Variants in SLC44A5 observed in about 807,000 individuals in gnomAD.
SLC44A5 encodes the protein solute carrier family 44 member 5, also known as choline transporter-like protein 5.
In SLC44A5, 57 loss-of-function variants were observed where a neutral mutation model predicts 101.8. That is an observed-to-expected ratio of 0.56 (90% confidence interval 0.45 to 0.70). The LOEUF (loss-of-function observed/expected upper bound fraction) is 0.70. Ranked by LOEUF, SLC44A5 falls within the 30% of genes least tolerant of loss-of-function variation. SLC44A5 has a pLI of 0.00. For synonymous variants in SLC44A5, 281 were observed against 290.9 expected (o/e 0.97, Z 0.35); for missense variants, 737 against 853.1 (o/e 0.86, Z 1.70).
chr1:75,717,668 T>TA, the SLC44A5 span, among the ~76,000 whole-genome samples: 2 of 152,238 alleles, frequency 1.3e-5, no homozygotes, highest in Admixed American at 6.5e-5. Flanking sequence ...GGGTGAAACT[T>TA]AGAGAAAAAT....
At chr1:75,560,936 C>T (rs1386302384) in intron 1 of SLC44A5, among the ~76,000 whole-genome samples, 1 of 151,958 alleles carries the variant, frequency 6.6e-6, no homozygotes, top group Non-Finnish European at 1.5e-5. Context: ...AATTATGTAC[C>T]TCATCCTATT....
chr1:75,564,603 T>TTTTATTTATTTA (rs10526449), intron 1 of SLC44A5, among the ~76,000 whole-genome samples: 27,447 of 137,896 alleles, frequency 0.2, 3,030 homozygotes, highest in Middle Eastern at 0.27. Flanking sequence ...TTTTTTTAAT[T>TTTTATTTATTTA]TTTATTTATT....
chr1:75,490,942 G>C (rs1054720668), intron 2 of SLC44A5, among the ~76,000 whole-genome samples: 2 of 151,496 alleles, frequency 1.3e-5, no homozygotes, highest in African/African-American at 4.8e-5. Context: ...AAAAAAAAAA[G>C]TGATCTAAGT....
At chr1:75,667,194 C>T in the SLC44A5 span, among the ~76,000 whole-genome samples, 1 of 152,140 alleles carries the variant, frequency 6.6e-6, no homozygotes, top group Non-Finnish European at 1.5e-5. Flanking sequence ...ATCATCTCAG[C>T]CCAAAATCTC....
At chr1:75,610,556 G>T (rs535715411) in intron 1 of SLC44A5, among the ~76,000 whole-genome samples, 1 of 152,138 alleles carries the variant, frequency 6.6e-6, no homozygotes, top group African/African-American at 2.4e-5. Flanking sequence ...GAACAAGGCA[G>T]AAGCCATAGT....
intron 2 of SLC44A5, among the ~76,000 whole-genome samples, chr1:75,465,819 G>A (rs1405446119): frequency 2.0e-5 from 3 of 152,096 alleles, no homozygotes; most frequent in Non-Finnish European, 2.9e-5. Context: ...AAACTACCAA[G>A]ATTGAACCAG....
chr1:75,211,965 C>T (rs1297331416), intron 22 of SLC44A5, among the ~76,000 whole-genome samples: 1 of 150,364 alleles, frequency 6.7e-6, no homozygotes, highest in Admixed American at 6.7e-5. Context: ...TTTATTTCTC[C>T]CTCGGATAAC....
At chr1:75,565,959 C>T (rs1672763972) in intron 1 of SLC44A5, among the ~76,000 whole-genome samples, 1 of 152,184 alleles carries the variant, frequency 6.6e-6, no homozygotes, top group Non-Finnish European at 1.5e-5. Context: ...ATTTTTCACA[C>T]TGATGTATTA....
At chr1:75,592,914 C>G (rs185488125) in intron 1 of SLC44A5, among the ~76,000 whole-genome samples, 1 of 152,062 alleles carries the variant, frequency 6.6e-6, no homozygotes, top group Non-Finnish European at 1.5e-5. Flanking sequence ...GGAAAACTCT[C>G]CAGGACATTG....
intron 3 of SLC44A5, among the ~76,000 whole-genome samples, chr1:75,356,251 G>C (rs553637381): frequency 2.0e-5 from 3 of 150,114 alleles, no homozygotes; most frequent in African/African-American, 7.3e-5. Context: ...CTAGAAGAAG[G>C]CCTTGTTAGC....
At position 75,449,566 on chromosome 1, in the gene SLC44A5, A is replaced by G. The variant is rs116253802; in HGVS notation, c.14-52945T>C. Reference sequence around the variant, plus strand: ...TCTCCTACAGCTCTCCCATGCCCCTATAACTATTTTCTTCAATTGAAAGTT... The same window carrying G: ...TCTCCTACAGCTCTCCCATGCCCCTGTAACTATTTTCTTCAATTGAAAGTT... On this transcript the variant is annotated intron_variant, in intron 2 of 23. Coordinates refer to ENST00000370859, the MANE Select transcript of SLC44A5 (RefSeq NM_001130058.2). 5.4e-3 allele frequency among the ~76,000 whole-genome samples: 828 copies of G among 152,208 alleles called. 7 individuals carry two copies. The highest frequency in any genetic ancestry group is 0.019 in the African/African-American group (795 of 41,544).
chr1:75,589,413 C>T (rs396106), intron 1 of SLC44A5, among the ~76,000 whole-genome samples: 102,569 of 152,036 alleles, frequency 0.67, 34,968 homozygotes, highest in East Asian at 0.84. Flanking sequence ...GACTACTCAA[C>T]GACATAGTGT....
intron 2 of SLC44A5, among the ~76,000 whole-genome samples, chr1:75,420,580 C>A (rs1482542307): frequency 6.6e-6 from 1 of 152,078 alleles, no homozygotes; most frequent in Non-Finnish European, 1.5e-5. Context: ...CATAGAAACA[C>A]AAATTCTGGG....
At chr1:75,276,297 A>T (rs1336511091) in intron 5 of SLC44A5, among the ~76,000 whole-genome samples, 1 of 152,166 alleles carries the variant, frequency 6.6e-6, no homozygotes, top group African/African-American at 2.4e-5. Context: ...TTTAAATAAC[A>T]AAGTGTTCAA....
chr1:75,571,974 C>T (rs1348701267), intron 1 of SLC44A5, among the ~76,000 whole-genome samples: 1 of 152,110 alleles, frequency 6.6e-6, no homozygotes, highest in Non-Finnish European at 1.5e-5. Flanking sequence ...TGCTAGAAGA[C>T]AGTGAATTTA....
At chr1:75,682,385 T>C in the SLC44A5 span, among the ~76,000 whole-genome samples, 2 of 151,976 alleles carry the variant, frequency 1.3e-5, no homozygotes, top group East Asian at 1.9e-4. Flanking sequence ...CAAAACAGCA[T>C]GGTACTGGTA....
intron 4 of SLC44A5, among the ~76,000 whole-genome samples, chr1:75,322,421 CT>C (rs1422679336): frequency 6.6e-6 from 1 of 152,014 alleles, no homozygotes; most frequent in Non-Finnish European, 1.5e-5. Flanking sequence ...CTCATTTCAT[CT>C]GATGGTCTGT....
chr1:75,419,480 AAAG>A (rs1663869765), intron 2 of SLC44A5, among the ~76,000 whole-genome samples: 1 of 152,032 alleles, frequency 6.6e-6, no homozygotes, highest in South Asian at 2.1e-4. Flanking sequence ...AGAAAAAAAA[AAAG>A]GACTGTTCGT....
intron 2 of SLC44A5, among the ~76,000 whole-genome samples, chr1:75,439,848 C>T (rs1464114336): frequency 6.6e-6 from 1 of 151,950 alleles, no homozygotes; most frequent in African/African-American, 2.4e-5. Context: ...ACAATATCTA[C>T]AAACAGGACA....
Sources: gnomAD v4.1 joint callset for allele counts (sites outside exome capture counted in the v4.1 genomes callset) on GRCh38, gnomAD v4.1.1 for gene constraint, MANE v1.5 for transcripts, NCBI Gene and HGNC (gene_info 2026-07-23, HGNC 2026-07-21) for gene names.